CCNB3: variants seen among roughly 807,000 people sequenced by gnomAD.
CCNB3 encodes the protein G2/mitotic-specific cyclin-B3.
In CCNB3, 12 loss-of-function variants were observed where a neutral mutation model predicts 68.0. The ratio of observed to expected loss-of-function variants is 0.18; its 90% CI spans 0.11 to 0.29. The LOEUF is 0.29. Among genes scored for constraint, CCNB3 ranks in the 10% least tolerant of loss-of-function variants. The pLI is 1.00. For missense variants in CCNB3, 904 were observed against 993.1 expected (o/e 0.91, Z 1.21); for synonymous variants, 354 against 388.9 (o/e 0.91, Z 1.06).
intron 8 of CCNB3, among the ~76,000 whole-genome samples, chrX:50,336,118 C>A (rs1402717857): frequency 8.9e-6 from 1 of 111,949 alleles, no homozygotes; most frequent in Non-Finnish European, 1.9e-5. Flanking sequence ...TGAGCCGGGT[C>A]CCCTTCAGTC....
At chrX:50,325,903 GT>G (rs1363024216) in intron 8 of CCNB3, among the ~76,000 whole-genome samples, 50 of 107,070 alleles carry the variant, frequency 4.7e-4, no homozygotes, top group African/African-American at 8.1e-4. Flanking sequence ...CTTTTTTAAA[GT>G]TTTTTTTTTA....
Position 50,314,003 on chromosome X carries a change from C to A in CCNB3, c.3516+55C>A, listed in dbSNP as rs1038807252. ...CTGCTGTTCTCTTTCTCATTCAGGG[C>A]TGCCAGGCCAAAAACATGGTAAAAA... On this transcript the variant is annotated intron_variant, in intron 8 of 12. Transcript: ENST00000376042. The A allele has an allele frequency of 1.4e-4, 123 of 905,343 alleles. No homozygotes were observed. The East Asian group carries it at 3.8e-3, about 28-fold the overall frequency. The allele number at this position is 905,343 out of a possible 1,213,427, so 74.6% of individuals were successfully genotyped here.
rs1208926797 is a variant in CCNB3 at position 50,213,286 on chromosome X, G to A, written c.-113+8336G>A. On this transcript the variant is annotated intron_variant, in intron 1 of 12. Transcript: ENST00000376042. ...ATGTTTTGTAGTTCTCAGTGTATAA[G>A]ACAATGTCTATGTTGGATTACATGG... 2.7e-5 allele frequency among the ~76,000 whole-genome samples: 3 copies of A among 112,074 alleles called. No homozygotes were observed. In the Admixed American group the frequency reaches 2.8e-4, roughly 11 times the overall value.
At chrX:50,222,228 A>T (rs1350537081) in intron 1 of CCNB3, among the ~76,000 whole-genome samples, 1 of 110,984 alleles carries the variant, frequency 9.0e-6, no homozygotes, top group Non-Finnish European at 1.9e-5. Flanking sequence ...CACTTTGCCA[A>T]TCTGTGTCTT....
At chrX:50,324,978 C>T (rs899084803) in intron 8 of CCNB3, among the ~76,000 whole-genome samples, 1 of 110,343 alleles carries the variant, frequency 9.1e-6, no homozygotes, top group Non-Finnish European at 1.9e-5. Context: ...GAAAATGTGA[C>T]CTGAATGATA....
intron 1 of CCNB3, among the ~76,000 whole-genome samples, chrX:50,215,061 C>T (rs1235833865): frequency 9.0e-6 from 1 of 110,818 alleles, no homozygotes; most frequent in African/African-American, 3.3e-5. Flanking sequence ...ACGATCTCGG[C>T]TCACTGCAAG....
intron 8 of CCNB3, among the ~76,000 whole-genome samples, chrX:50,330,832 G>T (rs1922557458): frequency 8.9e-6 from 1 of 111,874 alleles, no homozygotes; most frequent in Non-Finnish European, 1.9e-5. Context: ...CAATTAGTAA[G>T]GTTAAATTTC....
chrX:50,206,343 G>A (rs1557205496), intron 1 of CCNB3, among the ~76,000 whole-genome samples: 1 of 111,583 alleles, frequency 9.0e-6, no homozygotes, highest in Non-Finnish European at 1.9e-5. Flanking sequence ...AGGCTGAGGC[G>A]GGAAGAAAGC....
intron 1 of CCNB3, among the ~76,000 whole-genome samples, chrX:50,217,445 T>G (rs1331268156): frequency 9.2e-6 from 1 of 109,255 alleles, no homozygotes; most frequent in African/African-American, 3.3e-5. Flanking sequence ...GCTAATTTTT[T>G]GTATTTTTAG....
intron 5 of CCNB3, among the ~76,000 whole-genome samples, chrX:50,300,204 A>T (rs1252029929): frequency 1.8e-5 from 2 of 111,512 alleles, no homozygotes; most frequent in Non-Finnish European, 3.8e-5. Context: ...TTTGCTCATT[A>T]GTTGGTGCAG....
rs1362642819 is a variant in CCNB3, at chrX:50,351,889, T to TA, written c.*192dup. Reference sequence around the variant, plus strand: ...TTGTCATATTTGACTACAAATTTAATAAAAAATTAATGGTTATTGTTAAAA... The same window carrying TA: ...TTGTCATATTTGACTACAAATTTAATAAAAAAATTAATGGTTATTGTTAAAA... On this transcript the variant is annotated 3_prime_UTR_variant, in exon 13 of 13. Coordinates refer to ENST00000376042, the MANE Select transcript of CCNB3 (RefSeq NM_033031.3). The TA allele has an allele frequency of 7.4e-5, 28 of 376,479 alleles. No individual in the cohort carries two copies. Among genetic ancestry groups the TA allele is most frequent in the Non-Finnish European group, 1.1e-4 (24 of 221,477 alleles). 31.0% of individuals were successfully genotyped at this position (376,479 alleles called of 1,213,427 possible).
intron 1 of CCNB3, among the ~76,000 whole-genome samples, chrX:50,210,665 G>C (rs1013126049): frequency 9.0e-6 from 1 of 111,103 alleles, no homozygotes; most frequent in Non-Finnish European, 1.9e-5. Context: ...GCAGATATGG[G>C]GTACTGGTCA....
In CCNB3 at chrX:50,351,636, C is replaced by T; in HGVS notation, c.4121C>T (p.Ala1374Val). The change falls in exon 13 of 13, where the codon GCC becomes GTC. Residue 1374 changes from alanine (A) to valine (V), a missense_variant. Transcript: ENST00000376042. ...PVFFEVAKIP[A>V]LDMLKLEEIL... ...TTCTTTGAAGTCGCCAAAATCCCTG[C>T]CTTGGATATGTTGAAGCTGGAGGAG... 1 of 1,211,426 alleles carries T rather than the reference C, an allele frequency of 8.3e-7. No homozygotes were observed. The highest frequency in any genetic ancestry group is 2.2e-5 in the Admixed American group (1 of 45,990).
Position 50,311,202 on chromosome X carries a change from T to C in CCNB3, c.3033T>C (p.Asp1011=). Residue 1011 remains aspartate (D), a synonymous_variant, in exon 6 of 13, where the codon GAT becomes GAC. Transcript: ENST00000376042. ...GTINEAFLFE[D]MITLNEKPTT... Reference sequence around the variant, plus strand: ...TCAATGAGGCATTCCTCTTCGAAGATATGATAACTCTGAATGAGAAACCCA... The same window carrying C: ...TCAATGAGGCATTCCTCTTCGAAGACATGATAACTCTGAATGAGAAACCCA... The C allele has an allele frequency of 8.3e-7, 1 of 1,208,431 alleles. No individual in the cohort carries two copies. The highest frequency in any genetic ancestry group is 1.1e-6 in the Non-Finnish European group (1 of 894,713).
chrX:50,304,568 A>G (rs1557213195), intron 5 of CCNB3, among the ~76,000 whole-genome samples: 2 of 112,188 alleles, frequency 1.8e-5, no homozygotes, highest in East Asian at 2.8e-4. Context: ...AAACCTAGGC[A>G]GTACCATTCA....
chrX:50,283,800 CAT>C (rs1189642380), intron 1 of CCNB3, among the ~76,000 whole-genome samples: 1 of 111,067 alleles, frequency 9.0e-6, no homozygotes, highest in Non-Finnish European at 1.9e-5. Flanking sequence ...GTCCTGATCA[CAT>C]GTTACTTCCT....
chrX:50,211,964 G>A (rs1935489415), intron 1 of CCNB3, among the ~76,000 whole-genome samples: 1 of 112,128 alleles, frequency 8.9e-6, no homozygotes, highest in Non-Finnish European at 1.9e-5. Context: ...CAACCTAGCA[G>A]TGGCTCATGT....
intron 1 of CCNB3, among the ~76,000 whole-genome samples, chrX:50,226,443 A>T (rs1480388602): frequency 4.2e-5 from 3 of 71,857 alleles, no homozygotes; most frequent in Non-Finnish European, 7.2e-5. Context: ...AAAAATATAT[A>T]TAGAATATAT....
At chrX:50,226,967 G>T (rs1317838665) in intron 1 of CCNB3, among the ~76,000 whole-genome samples, 702 of 69,315 alleles carry the variant, frequency 0.01, 28 homozygotes, top group African/African-American at 0.044. Context: ...TATATATATA[G>T]AATATATATA....
Sources: gnomAD v4.1 joint callset for allele counts (sites outside exome capture counted in the v4.1 genomes callset) on GRCh38, gnomAD v4.1.1 for gene constraint, MANE v1.5 for transcripts, NCBI Gene and HGNC (gene_info 2026-07-23, HGNC 2026-07-21) for gene names.